Variants in GLG1 observed in about 807,000 individuals in gnomAD.
The protein encoded by GLG1 is golgi glycoprotein 1.
In GLG1, 38 loss-of-function variants were observed where a neutral mutation model predicts 160.5. The observed-to-expected ratio is 0.24, with a 90% CI of 0.18 to 0.31. The LOEUF (loss-of-function observed/expected upper bound fraction) is 0.31, where lower values mean the gene tolerates loss of function less well. GLG1 is among the 10% of genes least tolerant of loss of function. The pLI is 1.00. For synonymous variants in GLG1, 644 were observed against 543.4 expected, an observed-to-expected ratio of 1.19 and a Z score of -2.57; for missense variants, 1,373 against 1,505.2, an observed-to-expected ratio of 0.91 and a Z score of 1.45.
chr16:74,573,166 T>C (rs2018884840), intron 1 of GLG1, among the ~76,000 whole-genome samples: 1 of 152,064 alleles, frequency 6.6e-6, no homozygotes, highest in Non-Finnish European at 1.5e-5. Context: ...AGCAAAAATA[T>C]CTTTTAAGAA....
chr16:74,577,985 C>A (rs1024159867), intron 1 of GLG1, among the ~76,000 whole-genome samples: 2 of 151,948 alleles, frequency 1.3e-5, no homozygotes, highest in African/African-American at 4.8e-5. Context: ...CCAGCCTGGA[C>A]AGTAGAGAAA....
At chr16:74,586,831 G>A (rs1346732728) in intron 1 of GLG1, among the ~76,000 whole-genome samples, 2 of 151,964 alleles carry the variant, frequency 1.3e-5, no homozygotes, top group Non-Finnish European at 2.9e-5. Flanking sequence ...AAGTAGCTGG[G>A]ATTACAGCCT....
At chr16:74,574,880 T>A (rs2018942292) in intron 1 of GLG1, among the ~76,000 whole-genome samples, 2 of 10,680 alleles carry the variant, frequency 1.9e-4, no homozygotes, top group African/African-American at 7.9e-4. Context: ...CAAGACTCTG[T>A]CTCAAAAAAA....
rs187825746 is a variant in GLG1 at position 74,461,818 on chromosome 16, T to G, written c.3036+276A>C. On this transcript the variant is annotated intron_variant, in intron 22 of 25. Transcript: ENST00000422840. ...CAGGTCTTGGGTTTACCATCCAGAATAAGAAGAAGGGAAGAACAAATTTAC... is the reference window on the plus strand; with the variant it reads ...CAGGTCTTGGGTTTACCATCCAGAAGAAGAAGAAGGGAAGAACAAATTTAC... 1.5e-4 allele frequency: 44 copies of G among 285,276 alleles called. No individual in the cohort carries two copies. The East Asian group carries it at 2.7e-3, about 17-fold the overall frequency. 17.7% of individuals were successfully genotyped at this position (285,276 alleles called of 1,614,324 possible). A position where few individuals can be genotyped will look rare whatever the true frequency, so the allele number is the denominator to read the frequency against.
At chr16:74,565,145 C>G (rs1386346166) in intron 1 of GLG1, among the ~76,000 whole-genome samples, 1 of 152,082 alleles carries the variant, frequency 6.6e-6, no homozygotes, top group Non-Finnish European at 1.5e-5. Flanking sequence ...TCAAGACCAA[C>G]ATGGTGAAAT....
intron 7 of GLG1, among the ~76,000 whole-genome samples, chr16:74,491,636 CTTT>C (rs57935114): frequency 3.9e-4 from 34 of 87,422 alleles, no homozygotes; most frequent in Admixed American, 6.8e-4. Flanking sequence ...ATGGGGAAAA[CTTT>C]TTTTTTTTTT....
At chr16:74,487,658 T>C (rs750147509) in intron 8 of GLG1, among the ~76,000 whole-genome samples, 1 of 152,032 alleles carries the variant, frequency 6.6e-6, no homozygotes, top group Non-Finnish European at 1.5e-5. Flanking sequence ...AGCATTTACA[T>C]CTTTTTCTGA....
chr16:74,585,176 G>C (rs1171672342), intron 1 of GLG1, among the ~76,000 whole-genome samples: 1 of 152,160 alleles, frequency 6.6e-6, no homozygotes, highest in Non-Finnish European at 1.5e-5. Context: ...GGAAGGCCAA[G>C]GCAGGCAGAT....
intron 1 of GLG1, among the ~76,000 whole-genome samples, chr16:74,559,830 C>T (rs1292164296): frequency 1.3e-5 from 2 of 152,086 alleles, no homozygotes; most frequent in African/African-American, 4.8e-5. Flanking sequence ...TAAAATGTAA[C>T]ATGCCTAAAA....
Position 74,451,831 on chromosome 16 carries a change from C to A in GLG1, c.*1336G>T. The A allele has an allele frequency of 2.0e-6, 1 of 496,852 alleles. No individual in the cohort carries two copies. The highest frequency in any genetic ancestry group is 3.7e-6 in the Non-Finnish European group (1 of 271,302). 30.8% of individuals were successfully genotyped at this position (496,852 alleles called of 1,614,324 possible). A position where few individuals can be genotyped will look rare whatever the true frequency, so the allele number is the denominator to read the frequency against. ...ACACTGGAGGAATGAGGCGGGATGG[C>A]CAAGAATATTGCTTCTATAAAGCCC... On this transcript the variant is annotated 3_prime_UTR_variant, in exon 26 of 26. Transcript: ENST00000422840.
At chr16:74,605,643 T>C (rs535407933) in intron 1 of GLG1, among the ~76,000 whole-genome samples, 1 of 152,198 alleles carries the variant, frequency 6.6e-6, no homozygotes, top group East Asian at 1.9e-4. Flanking sequence ...TATAGAATAC[T>C]AGAACACGAG....
chr16:74,540,090 ATAT>A, intron 1 of GLG1, among the ~76,000 whole-genome samples: 1 of 1,144 alleles, frequency 8.7e-4, no homozygotes, highest in African/African-American at 1.0e-3. Flanking sequence ...TTTTATATAT[ATAT>A]TATATATATT....
At chr16:74,571,316 T>C (rs1473284597) in intron 1 of GLG1, among the ~76,000 whole-genome samples, 1 of 152,084 alleles carries the variant, frequency 6.6e-6, no homozygotes, top group Non-Finnish European at 1.5e-5. Context: ...AGGGATCCCA[T>C]TGAGTACTGC....
intron 2 of GLG1, among the ~76,000 whole-genome samples, chr16:74,525,375 T>C (rs1298036216): frequency 6.6e-6 from 1 of 152,160 alleles, no homozygotes; most frequent in Non-Finnish European, 1.5e-5. Flanking sequence ...CACATTTCCT[T>C]TTTTTGTTTG....
At chr16:74,515,767 A>C (rs901159943) in intron 2 of GLG1, among the ~76,000 whole-genome samples, 1 of 151,688 alleles carries the variant, frequency 6.6e-6, no homozygotes, top group Non-Finnish European at 1.5e-5. Flanking sequence ...CTGGATAAAG[A>C]GTCAAGACCC....
In GLG1 at chr16:74,449,675, C is replaced by T. The variant is rs1313591413; in HGVS notation, c.*3492G>A. On this transcript the variant is annotated 3_prime_UTR_variant, in exon 26 of 26. Transcript: ENST00000422840. Reference sequence around the variant, plus strand: ...GACAGCCAAAGGCCTGCAGTGTGTTCAAGTCAATACCTGCTCACTCAACAT... The same window carrying T: ...GACAGCCAAAGGCCTGCAGTGTGTTTAAGTCAATACCTGCTCACTCAACAT... 6.6e-6 allele frequency: 1 copy of T among 152,208 alleles called. No individual in the cohort carries two copies. Among genetic ancestry groups the T allele is most frequent in the Non-Finnish European group, 1.5e-5 (1 of 68,066 alleles). 9.4% of individuals were successfully genotyped at this position (152,208 alleles called of 1,614,324 possible).
At chr16:74,557,567 CAGA>C (rs2018387119) in intron 1 of GLG1, among the ~76,000 whole-genome samples, 1 of 152,138 alleles carries the variant, frequency 6.6e-6, no homozygotes, top group Admixed American at 6.5e-5. Context: ...AGTCCAGACG[CAGA>C]AGATTTCAGG....
intron 4 of GLG1, among the ~76,000 whole-genome samples, chr16:74,503,190 G>C (rs1021042048): frequency 2.6e-5 from 4 of 151,936 alleles, no homozygotes; most frequent in African/African-American, 7.3e-5. Flanking sequence ...CTGGGAAACA[G>C]AGGGAGACTC....
At chr16:74,572,051 C>T (rs755653527) in intron 1 of GLG1, among the ~76,000 whole-genome samples, 18 of 151,726 alleles carry the variant, frequency 1.2e-4, no homozygotes, top group Admixed American at 2.0e-4. Flanking sequence ...GTGGTGGTGG[C>T]GCTTAAAAAG....
Sources: gnomAD v4.1 joint callset for allele counts (sites outside exome capture counted in the v4.1 genomes callset) on GRCh38, gnomAD v4.1.1 for gene constraint, MANE v1.5 for transcripts, NCBI Gene and HGNC (gene_info 2026-07-23, HGNC 2026-07-21) for gene names.